The following CPE variants were observed in gnomAD, a reference collection of about 807,000 sequenced individuals.
The protein encoded by CPE is carbocypeptidase E.
Under a neutral mutation model 53.5 loss-of-function variants are expected in CPE, and 17 were observed. The observed-to-expected ratio is 0.32, with a 90% CI of 0.22 to 0.48. The LOEUF is 0.48. CPE is among the 20% of genes least tolerant of loss of function. The pLI is 0.99. For synonymous variants in CPE, 226 were observed against 228.8 expected, an observed-to-expected ratio of 0.99 and a Z score of 0.11; for missense variants, 524 against 614.7, an observed-to-expected ratio of 0.85 and a Z score of 1.56.
intron 1 of CPE, among the ~76,000 whole-genome samples, chr4:165,442,030 T>TC (rs796203200): frequency 9.9e-6 from 1 of 100,792 alleles, no homozygotes; most frequent in South Asian, 2.8e-4. Context: ...TTTGTTTTTT[T>TC]TTTTTGTTTT....
intron 1 of CPE, among the ~76,000 whole-genome samples, chr4:165,462,219 C>G (rs1732019926): frequency 6.6e-6 from 1 of 152,194 alleles, no homozygotes; most frequent in Non-Finnish European, 1.5e-5. Flanking sequence ...CTAGGGGGAG[C>G]ATGCTCTATC....
chr4:165,468,016 T>C (rs1732139263), intron 3 of CPE, among the ~76,000 whole-genome samples, 161 bp downstream of exon 3: 1 of 152,070 alleles, frequency 6.6e-6, no homozygotes, highest in Admixed American at 6.6e-5. Flanking sequence ...GCCATGAAAT[T>C]TGTCCTGGCC....
intron 1 of CPE, among the ~76,000 whole-genome samples, chr4:165,424,681 C>G (rs188488245): frequency 6.6e-5 from 10 of 151,534 alleles, no homozygotes; most frequent in African/African-American, 2.4e-4. Flanking sequence ...TTACAGGCGC[C>G]CGCCACCACG....
chr4:165,417,413 C>T (rs1337532976), intron 1 of CPE, among the ~76,000 whole-genome samples: 1 of 152,074 alleles, frequency 6.6e-6, no homozygotes, highest in Non-Finnish European at 1.5e-5. Context: ...TCTTTTCATT[C>T]AACAATGTAA....
At position 165,487,539 on chromosome 4, in the gene CPE, G is replaced by A. The variant is rs1428121829; in HGVS notation, c.1075G>A (p.Glu359Lys). The change falls in exon 6 of 9, where the codon GAG (glutamate) becomes AAG (lysine). Residue 359 changes from glutamate to lysine, a missense_variant. Glu to Lys is a moderately conservative substitution (Grantham distance 56). Coordinates refer to ENST00000402744, the MANE Select transcript of CPE (RefSeq NM_001873.4). ...TGAAGAGACTCTGAAGACCTACTGG[G>A]AGGATAACAAAAACTCCCTCATTAG... Reference protein sequence around the residue: ...PPEETLKTYWEDNKNSLISYL... With the variant: ...PPEETLKTYWKDNKNSLISYL... 6.8e-6 allele frequency: 11 copies of A among 1,613,972 alleles called. No individual in the cohort carries two copies. The highest frequency in any genetic ancestry group is 8.5e-6 in the Non-Finnish European group (10 of 1,180,008).
chr4:165,382,265 G>GTAGGTCAGCA (rs1288165383), intron 1 of CPE, among the ~76,000 whole-genome samples: 34 of 152,114 alleles, frequency 2.2e-4, no homozygotes, highest in Admixed American at 5.9e-4. Flanking sequence ...ACAAAAGACA[G>GTAGGTCAGCA]GAAATGTACA....
chr4:165,418,843 G>T lies in CPE; in HGVS notation c.307+39315G>T, dbSNP rs546225580. On this transcript the variant is annotated intron_variant, in intron 1 of 8. Coordinates refer to ENST00000402744, the MANE Select transcript of CPE (RefSeq NM_001873.4). ...ATCACAATGCTAACTTTAAAGCAAA[G>T]AATTTTAATTTGAAAGTTGAGAAAA... 1.1e-3 allele frequency among the ~76,000 whole-genome samples: 168 copies of T among 152,182 alleles called. 1 individual carries two copies. Among genetic ancestry groups the T allele is most frequent in the Non-Finnish European group, 2.1e-3 (143 of 67,992 alleles).
At chr4:165,480,338 A>C (rs1361915251) in intron 3 of CPE, among the ~76,000 whole-genome samples, 1 of 152,242 alleles carries the variant, frequency 6.6e-6, no homozygotes, top group Admixed American at 6.5e-5. Flanking sequence ...TTAGCTAAAA[A>C]CGTGCTTAGC....
intron 2 of CPE, among the ~76,000 whole-genome samples, chr4:165,465,331 A>G (rs935141128): frequency 5.9e-5 from 9 of 152,154 alleles, no homozygotes; most frequent in Non-Finnish European, 5.9e-5. Flanking sequence ...ATAGTTTGAC[A>G]TTGTAAGAAA....
chr4:165,412,226 T>G (rs1182605401), intron 1 of CPE, among the ~76,000 whole-genome samples: 1 of 152,228 alleles, frequency 6.6e-6, no homozygotes, highest in Non-Finnish European at 1.5e-5. Flanking sequence ...CTTACCTTTA[T>G]GTTTATAAGA....
intron 1 of CPE, among the ~76,000 whole-genome samples, chr4:165,451,523 G>A (rs183630276): frequency 2.0e-5 from 3 of 151,582 alleles, no homozygotes; most frequent in South Asian, 2.1e-4. Context: ...ACAGAGTCTC[G>A]CTCCGTTGCC....
At chr4:165,489,720 G>A (rs73863706) in intron 6 of CPE, among the ~76,000 whole-genome samples, 6,299 of 152,190 alleles carry the variant, frequency 0.041, 396 homozygotes, top group African/African-American at 0.14. Flanking sequence ...AATAAAACAC[G>A]TCTTCTTACC....
At chr4:165,489,317 T>A (rs1403911538) in intron 6 of CPE, among the ~76,000 whole-genome samples, 1 of 152,176 alleles carries the variant, frequency 6.6e-6, no homozygotes, top group South Asian at 2.1e-4. Flanking sequence ...TTAATACTCC[T>A]TAATACAGTG....
At chr4:165,437,442 CTTG>C (rs1007427838) in intron 1 of CPE, among the ~76,000 whole-genome samples, 10 of 152,100 alleles carry the variant, frequency 6.6e-5, no homozygotes, top group African/African-American at 2.4e-4. Flanking sequence ...AACTGAGTTT[CTTG>C]TTGTCAAAGG....
intron 1 of CPE, among the ~76,000 whole-genome samples, chr4:165,380,627 T>C (rs1453934554): frequency 6.6e-6 from 1 of 152,172 alleles, no homozygotes; most frequent in African/African-American, 2.4e-5. Flanking sequence ...AAATTCTCAG[T>C]GCAGGGCCAG....
chr4:165,415,028 G>A (rs11732478), intron 1 of CPE: 46,719 of 157,926 alleles, frequency 0.3, 7,111 homozygotes, highest in Middle Eastern at 0.4. Context: ...TGTTTGAACA[G>A]GGCATTGGTT....
intron 1 of CPE, among the ~76,000 whole-genome samples, chr4:165,437,851 A>G (rs1731536365): frequency 6.6e-6 from 1 of 152,136 alleles, no homozygotes; most frequent in South Asian, 2.1e-4. Flanking sequence ...GCATCTAGGC[A>G]GAAGGAACAG....
intron 1 of CPE, among the ~76,000 whole-genome samples, chr4:165,457,706 T>C (rs1228518375): frequency 1.3e-5 from 2 of 152,228 alleles, no homozygotes; most frequent in African/African-American, 4.8e-5. Flanking sequence ...GATATCATGT[T>C]GATTTGGTTG....
At position 165,497,550 on chromosome 4, in the gene CPE, AGAG is replaced by A. The variant is rs1732722279; in HGVS notation, c.1375_1377del (p.Glu459del). On this transcript the variant is annotated inframe_deletion, in exon 9 of 9. Coordinates refer to ENST00000402744, the MANE Select transcript of CPE (RefSeq NM_001873.4). ...TGGAGTCATTTTCTGAAAGGAAAGAAGAGGAGAAGGAAGAATTGATGGAATGGT... is the reference window on the plus strand; with the variant it reads ...TGGAGTCATTTTCTGAAAGGAAAGAAGAGAAGGAAGAATTGATGGAATGGT... The A allele has an allele frequency of 2.5e-6, 4 of 1,584,020 alleles. No individual in the cohort carries two copies. The highest frequency in any genetic ancestry group is 1.8e-5 in the Admixed American group (1 of 54,310).
Sources: gnomAD v4.1 joint callset for allele counts (sites outside exome capture counted in the v4.1 genomes callset) on GRCh38, gnomAD v4.1.1 for gene constraint, MANE v1.5 for transcripts, NCBI Gene and HGNC (gene_info 2026-07-23, HGNC 2026-07-21) for gene names.